NKAIN3: variants seen among roughly 807,000 people sequenced by gnomAD.
NKAIN3 encodes the protein sodium/potassium transporting ATPase interacting 3.
Under a neutral mutation model 30.2 loss-of-function variants are expected in NKAIN3, and 25 were observed. The observed-to-expected ratio is 0.83, with a 90% CI of 0.60 to 1.16. The LOEUF (loss-of-function observed/expected upper bound fraction) is 1.16, where lower values mean the gene tolerates loss of function less well. Ranked by LOEUF, NKAIN3 falls within the 50% of genes most tolerant of loss-of-function variation. NKAIN3 has a pLI of 0.00. For missense variants in NKAIN3, 225 were observed against 254.1 expected, an observed-to-expected ratio of 0.89 and a Z score of 0.78; for synonymous variants, 91 against 89.6, an observed-to-expected ratio of 1.02 and a Z score of -0.09.
At chr8:62,882,045 T>C (rs1820999017) in intron 4 of NKAIN3, among the ~76,000 whole-genome samples, 1 of 152,216 alleles carries the variant, frequency 6.6e-6, no homozygotes, top group Admixed American at 6.5e-5. Flanking sequence ...TCTGTATATC[T>C]TGTTTGGTGA....
intron 1 of NKAIN3, among the ~76,000 whole-genome samples, chr8:62,275,883 G>A (rs531548692): frequency 2.6e-5 from 4 of 152,118 alleles, no homozygotes; most frequent in African/African-American, 7.2e-5. Flanking sequence ...AATATCCCAT[G>A]CATTTTTAGA....
At chr8:62,630,450 C>A (rs1811922760) in intron 3 of NKAIN3, among the ~76,000 whole-genome samples, 1 of 152,056 alleles carries the variant, frequency 6.6e-6, no homozygotes, top group Non-Finnish European at 1.5e-5. Flanking sequence ...AAAAGTAGCA[C>A]TTCATAATCA....
At chr8:62,853,258 C>G (rs2130777618) in intron 4 of NKAIN3, among the ~76,000 whole-genome samples, 1 of 152,284 alleles carries the variant, frequency 6.6e-6, no homozygotes, top group East Asian at 1.9e-4. Flanking sequence ...TCTGTTTTAT[C>G]AGAGAGTAAG....
rs552960068 is a variant in NKAIN3, at chr8:62,688,721, C to T, written c.274-58211C>T. On this transcript the variant is annotated intron_variant, in intron 3 of 6. Coordinates refer to ENST00000623646, the MANE Select transcript of NKAIN3 (RefSeq NM_001304533.3). ...ATCTATTTTCAATCTCACACATAGA[C>T]ACAGACAGACAGACAGACAGACACA... 4.2e-3 allele frequency among the ~76,000 whole-genome samples: 638 copies of T among 150,674 alleles called. 6 individuals carry two copies. Among genetic ancestry groups the T allele is most frequent in the African/African-American group, 0.015 (614 of 40,610 alleles).
intron 4 of NKAIN3, among the ~76,000 whole-genome samples, chr8:62,764,429 G>A (rs773216287): frequency 5.9e-5 from 9 of 152,044 alleles, no homozygotes; most frequent in Non-Finnish European, 1.3e-4. Flanking sequence ...ACTTACTGAG[G>A]TTACTTTGTT....
chr8:62,752,988 A>G (rs1816335314), intron 4 of NKAIN3, among the ~76,000 whole-genome samples: 1 of 152,044 alleles, frequency 6.6e-6, no homozygotes, highest in African/African-American at 2.4e-5. Flanking sequence ...CAAGATTGTA[A>G]CTCTATCTTT....
At chr8:62,804,649 C>G (rs1190032924) in intron 4 of NKAIN3, among the ~76,000 whole-genome samples, 1 of 152,000 alleles carries the variant, frequency 6.6e-6, no homozygotes, top group Admixed American at 6.6e-5. Flanking sequence ...TGGGATGTAC[C>G]TCAAAATAAT....
At chr8:62,851,088 G>A (rs1331289119) in intron 4 of NKAIN3, among the ~76,000 whole-genome samples, 1 of 152,020 alleles carries the variant, frequency 6.6e-6, no homozygotes, top group Non-Finnish European at 1.5e-5. Context: ...CTACCCATGA[G>A]CATGGAATGT....
intron 1 of NKAIN3, among the ~76,000 whole-genome samples, chr8:62,485,547 G>A (rs753294471): frequency 9.2e-5 from 14 of 152,104 alleles, no homozygotes; most frequent in East Asian, 1.9e-4. Flanking sequence ...AGCTTTATGC[G>A]GCTTTTTATT....
chr8:62,267,371 T>C (rs1438027607), intron 1 of NKAIN3, among the ~76,000 whole-genome samples: 2 of 152,186 alleles, frequency 1.3e-5, no homozygotes, highest in Non-Finnish European at 2.9e-5. Context: ...CAGTGAAACA[T>C]GGTAAAATTT....
intron 1 of NKAIN3, among the ~76,000 whole-genome samples, chr8:62,407,310 CT>C (rs1804102736): frequency 6.8e-6 from 1 of 147,996 alleles, no homozygotes; most frequent in African/African-American, 2.5e-5. Flanking sequence ...TACTTGCATG[CT>C]TTTTTTCTAT....
chr8:62,809,932 C>G (rs1818436244), intron 4 of NKAIN3, among the ~76,000 whole-genome samples: 1 of 152,048 alleles, frequency 6.6e-6, no homozygotes. Flanking sequence ...ATTTTTATGA[C>G]AGTGAAAGGA....
chr8:62,941,892 A>T (rs1205923991), intron 5 of NKAIN3, among the ~76,000 whole-genome samples: 1 of 152,114 alleles, frequency 6.6e-6, no homozygotes, highest in Middle Eastern at 3.2e-3. Context: ...TATTCAACAC[A>T]GTACTGGAAG....
chr8:62,760,018 T>A (rs943406256), intron 4 of NKAIN3, among the ~76,000 whole-genome samples: 2 of 151,444 alleles, frequency 1.3e-5, no homozygotes, highest in African/African-American at 4.9e-5. Flanking sequence ...AATAGACACA[T>A]GAAAGAATGC....
intron 1 of NKAIN3, among the ~76,000 whole-genome samples, chr8:62,424,111 C>A (rs973004064): frequency 1.3e-5 from 2 of 151,934 alleles, no homozygotes; most frequent in Non-Finnish European, 2.9e-5. Context: ...TGGATATCCA[C>A]ATACAGAAGA....
At chr8:62,651,582 T>C (rs1812618902) in intron 3 of NKAIN3, among the ~76,000 whole-genome samples, 1 of 152,168 alleles carries the variant, frequency 6.6e-6, no homozygotes, top group Non-Finnish European at 1.5e-5. Flanking sequence ...ACATTTGGTG[T>C]CTGGTGAGGG....
At chr8:62,547,700 A>G (rs1809062500) in intron 1 of NKAIN3, among the ~76,000 whole-genome samples, 1 of 152,210 alleles carries the variant, frequency 6.6e-6, no homozygotes, top group Non-Finnish European at 1.5e-5. Context: ...AACTTCCAGC[A>G]GCATTTAGAT....
intron 5 of NKAIN3, among the ~76,000 whole-genome samples, chr8:62,919,036 C>T (rs1431586017): frequency 2.0e-5 from 3 of 150,924 alleles, no homozygotes; most frequent in African/African-American, 7.3e-5. Context: ...TAATGGGATG[C>T]TTAAAAGCTA....
At chr8:62,940,185 T>C (rs562124202) in intron 5 of NKAIN3, among the ~76,000 whole-genome samples, 5 of 150,712 alleles carry the variant, frequency 3.3e-5, no homozygotes, top group African/African-American at 9.7e-5. Context: ...CATTATATTA[T>C]GATAAAAGGA....
Sources: gnomAD v4.1 joint callset for allele counts (sites outside exome capture counted in the v4.1 genomes callset) on GRCh38, gnomAD v4.1.1 for gene constraint, MANE v1.5 for transcripts, NCBI Gene and HGNC (gene_info 2026-07-23, HGNC 2026-07-21) for gene names.